Variants in IMMP2L observed in about 807,000 individuals in gnomAD.
The protein encoded by IMMP2L is inner mitochondrial membrane peptidase subunit 2, also known as mitochondrial inner membrane protease subunit 2.
A neutral mutation model predicts 19.3 loss-of-function variants in IMMP2L; 18 were observed. The observed-to-expected ratio is 0.93, with a 90% confidence interval of 0.64 to 1.38. The LOEUF (loss-of-function observed/expected upper bound fraction) is 1.38. IMMP2L is among the 40% of genes most tolerant of loss of function. The pLI, the probability that IMMP2L is intolerant of heterozygous loss-of-function variation, is 0.00. For synonymous variants in IMMP2L, 76 were observed against 73.0 expected, an observed-to-expected ratio of 1.04 and a Z score of -0.21; for missense variants, 233 against 218.2, an observed-to-expected ratio of 1.07 and a Z score of -0.43.
At chr7:110,907,455 T>C (rs528868862) in intron 4 of IMMP2L, among the ~76,000 whole-genome samples, 3 of 152,238 alleles carry the variant, frequency 2.0e-5, no homozygotes, top group African/African-American at 7.2e-5. Context: ...CAACTGCTTC[T>C]CCTCCTCTCT....
chr7:111,210,786 A>G (rs1811225090), intron 3 of IMMP2L, among the ~76,000 whole-genome samples: 1 of 152,148 alleles, frequency 6.6e-6, no homozygotes, highest in Non-Finnish European at 1.5e-5. Context: ...ATTAATATAC[A>G]AAGAGTAATC....
At chr7:111,375,231 G>A (rs951637921) in intron 3 of IMMP2L, among the ~76,000 whole-genome samples, 1 of 151,660 alleles carries the variant, frequency 6.6e-6, no homozygotes, top group Non-Finnish European at 1.5e-5. Context: ...CAGGTCAAAA[G>A]ACAAAAACTA....
At position 111,238,330 on chromosome 7, in the gene IMMP2L, C is replaced by T. The variant is rs188659902; in HGVS notation, c.239+248908G>A. ...TGTAAGGTTTTAAATCTCGGCTCCA[C>T]CAGTTTATTTATGTTTGACTTTGGG... On this transcript the variant is annotated intron_variant, in intron 3 of 5. Coordinates refer to ENST00000405709, the MANE Select transcript of IMMP2L (RefSeq NM_032549.4). Among the ~76,000 whole-genome samples the T allele has an allele frequency of 3.3e-5, 5 of 152,072 alleles. No homozygotes were observed. In the East Asian group the frequency reaches 7.7e-4, roughly 23 times the overall value.
intron 1 of IMMP2L, among the ~76,000 whole-genome samples, chr7:111,561,634 T>C (rs1792069466): frequency 6.6e-6 from 1 of 152,062 alleles, no homozygotes; most frequent in Non-Finnish European, 1.5e-5. Flanking sequence ...GGGATCCACA[T>C]GCCCAAGCTG....
intron 1 of IMMP2L, among the ~76,000 whole-genome samples, chr7:111,531,724 G>A (rs1009286604): frequency 2.6e-5 from 4 of 152,074 alleles, no homozygotes; most frequent in African/African-American, 4.8e-5. Context: ...TAAAGGCAAC[G>A]TGAATTTTAA....
chr7:111,191,118 C>T lies in IMMP2L; in HGVS notation c.240-227553G>A, dbSNP rs573050958. 1.5e-3 allele frequency among the ~76,000 whole-genome samples: 231 copies of T among 152,162 alleles called. 1 individual carries two copies. Among genetic ancestry groups the T allele is most frequent in the African/African-American group, 5.3e-3 (221 of 41,502 alleles). ...CCTGACTCACAACTATTTCCAAGGC[C>T]AGCCTGGCTTACAAGTCTTCATTCT... On this transcript the variant is annotated intron_variant, in intron 3 of 5. Coordinates refer to ENST00000405709, the MANE Select transcript of IMMP2L (RefSeq NM_032549.4).
chr7:111,034,642 A>G (rs1294799679), intron 3 of IMMP2L, among the ~76,000 whole-genome samples: 1 of 152,124 alleles, frequency 6.6e-6, no homozygotes, highest in African/African-American at 2.4e-5. Context: ...ATATCTAGGG[A>G]TTAAGTTTGT....
intron 3 of IMMP2L, among the ~76,000 whole-genome samples, chr7:111,128,289 ATTTTC>A (rs1801510790): frequency 6.6e-6 from 1 of 152,136 alleles, no homozygotes; most frequent in African/African-American, 2.4e-5. Context: ...ATTCTGGTTT[ATTTTC>A]TTTATCAGTG....
intron 2 of IMMP2L, among the ~76,000 whole-genome samples, chr7:111,501,245 A>C (rs1238129428): frequency 6.6e-6 from 1 of 152,162 alleles, no homozygotes; most frequent in East Asian, 1.9e-4. Flanking sequence ...GAAATGAATG[A>C]AATGAAGCGA....
At chr7:110,701,890 T>A (rs181532540) in intron 5 of IMMP2L, among the ~76,000 whole-genome samples, 1 of 152,158 alleles carries the variant, frequency 6.6e-6, no homozygotes, top group Admixed American at 6.5e-5. Context: ...GATTTCTATA[T>A]GTGTATAGTC....
intron 1 of IMMP2L, among the ~76,000 whole-genome samples, chr7:111,542,059 T>G (rs1416174556): frequency 6.6e-6 from 1 of 152,102 alleles, no homozygotes; most frequent in Non-Finnish European, 1.5e-5. Flanking sequence ...CATTTTCGTA[T>G]ATTTTGGATA....
intron 4 of IMMP2L, among the ~76,000 whole-genome samples, chr7:110,947,773 C>T (rs1260127142): frequency 6.6e-6 from 1 of 152,138 alleles, no homozygotes; most frequent in Non-Finnish European, 1.5e-5. Flanking sequence ...ATCAGTACAC[C>T]TAGAGCTGAA....
intron 5 of IMMP2L, among the ~76,000 whole-genome samples, chr7:110,875,113 T>C (rs141176310): frequency 1.1e-4 from 16 of 152,184 alleles, no homozygotes; most frequent in African/African-American, 3.6e-4. Context: ...AAGTCACAAA[T>C]ACTACTTGAA....
intron 3 of IMMP2L, among the ~76,000 whole-genome samples, chr7:111,276,196 G>A (rs925139680): frequency 6.6e-6 from 1 of 152,084 alleles, no homozygotes. Context: ...TGCATCTATT[G>A]AGACGATCAT....
chr7:111,366,822 T>TGTATATATGTATACACACAC (rs1829809732), intron 3 of IMMP2L, among the ~76,000 whole-genome samples: 1 of 151,928 alleles, frequency 6.6e-6, no homozygotes, highest in Non-Finnish European at 1.5e-5. Context: ...TCATTGTCTC[T>TGTATATATGTATACACACAC]GTATATATGT....
chr7:110,874,757 G>T (rs996073938), intron 5 of IMMP2L, among the ~76,000 whole-genome samples: 3 of 152,022 alleles, frequency 2.0e-5, no homozygotes, highest in Non-Finnish European at 4.4e-5. Flanking sequence ...TGCTTGTGCT[G>T]CTATAACAGA....
In IMMP2L at chr7:111,539,204, A is replaced by AGGAAGGAAGG. The variant is rs879777334; in HGVS notation, c.-2-17756_-2-17755insCCTTCCTTCC. On this transcript the variant is annotated intron_variant, in intron 1 of 5. Coordinates refer to ENST00000405709, the MANE Select transcript of IMMP2L (RefSeq NM_032549.4). ...GGAAGGAAGGAAGGAGGGAGAAAGA[A>AGGAAGGAAGG]AGAAAGAAAGAAAGAAAGAAAGAAA... is the stretch of plus-strand genomic sequence containing the variant. 6.8e-3 allele frequency among the ~76,000 whole-genome samples: 231 copies of AGGAAGGAAGG among 33,946 alleles called. 29 individuals are homozygous for AGGAAGGAAGG. The highest frequency in any genetic ancestry group is 0.014 in the Middle Eastern group (1 of 70). The allele number at this position is 33,946 out of a possible 152,430, so 22.3% of individuals were successfully genotyped here. A position where few individuals can be genotyped will look rare whatever the true frequency, so the allele number is the denominator to read the frequency against.
chr7:111,408,574 G>A (rs1834098723), intron 3 of IMMP2L, among the ~76,000 whole-genome samples: 2 of 151,612 alleles, frequency 1.3e-5, no homozygotes, highest in African/African-American at 4.9e-5. Flanking sequence ...AATGTACAAT[G>A]GGACAAGATG....
chr7:110,706,402 C>A (rs1414941491), intron 5 of IMMP2L, among the ~76,000 whole-genome samples: 1 of 152,186 alleles, frequency 6.6e-6, no homozygotes, highest in Admixed American at 6.5e-5. Flanking sequence ...CTATGTCCAG[C>A]AGTAGTTCTA....
Sources: allele counts gnomAD v4.1 joint callset (sites outside exome capture counted in the v4.1 genomes callset), GRCh38; gene constraint gnomAD v4.1.1; transcripts MANE v1.5; gene names NCBI Gene and HGNC (gene_info 2026-07-23, HGNC 2026-07-21).